AGPAT4: variants seen among roughly 807,000 people sequenced by gnomAD.
The protein encoded by AGPAT4 is 1-acyl-sn-glycerol-3-phosphate acyltransferase delta.
AGPAT4 carries 15 observed loss-of-function variants against 48.0 expected under a neutral mutation model. The observed-to-expected ratio is 0.31, with a 90% CI of 0.21 to 0.48. AGPAT4 has a LOEUF of 0.48. AGPAT4 is among the 20% of genes least tolerant of loss of function. AGPAT4 has a pLI of 0.99. For synonymous variants in AGPAT4, 178 were observed against 198.7 expected, an observed-to-expected ratio of 0.90 and a Z score of 0.88; for missense variants, 314 against 482.5, an observed-to-expected ratio of 0.65 and a Z score of 3.27.
rs572816883 is a variant in AGPAT4, at chr6:161,216,946, C to T, written c.178+15090G>A. On this transcript the variant is annotated intron_variant, in intron 2 of 8. Transcript: ENST00000320285. The surrounding 1 kb of genome is among the most constrained non-coding windows in gnomAD (Gnocchi z 4.8). ...CAAACCTATCACCCAGTAATCCCTG[C>T]TTCTGTCTTAATTTGACTTTCCCCT... Among the ~76,000 whole-genome samples, 1 of 152,304 alleles carries T rather than the reference C, an allele frequency of 6.6e-6. No homozygotes were observed. Among genetic ancestry groups the T allele is most frequent in the African/African-American group, 2.4e-5 (1 of 41,566 alleles).
In AGPAT4 at chr6:161,140,569, G is replaced by A. The variant is rs1779217275; in HGVS notation, c.844-949C>T. On this transcript the variant is annotated intron_variant, in intron 7 of 8. Coordinates refer to ENST00000320285, the MANE Select transcript of AGPAT4 (RefSeq NM_020133.3). The surrounding 1 kb of genome is among the most constrained non-coding windows in gnomAD (Gnocchi z 6.5). ...CACGGAGCTCCCGCTCAGGGACTGG[G>A]GCTCAGCCGCAAGGAGCTGCTGAAC... Among the ~76,000 whole-genome samples, 1 of 152,238 alleles carries A rather than the reference G, an allele frequency of 6.6e-6. No homozygotes were observed.
Position 161,231,553 on chromosome 6 carries a change from A to T in AGPAT4, c.178+483T>A, listed in dbSNP as rs1320830003. ...GTATTATTTGTTACAGCTTCATGTG[A>T]ATCTATTATCTCAAAATAAAAAGCT... On this transcript the variant is annotated intron_variant, in intron 2 of 8. Coordinates refer to ENST00000320285, the MANE Select transcript of AGPAT4 (RefSeq NM_020133.3). The surrounding 1 kb of genome is among the most constrained non-coding windows in gnomAD (Gnocchi z 5.3). 6.6e-6 allele frequency among the ~76,000 whole-genome samples: 1 copy of T among 152,188 alleles called. No individual in the cohort carries two copies. The highest frequency in any genetic ancestry group is 1.9e-4 in the East Asian group (1 of 5,206).
Position 161,219,344 on chromosome 6 carries a change from T to C in AGPAT4, c.178+12692A>G, listed in dbSNP as rs929148844. Among the ~76,000 whole-genome samples, 1 of 152,060 alleles carries C rather than the reference T, an allele frequency of 6.6e-6. No homozygotes were observed. The highest frequency in any genetic ancestry group is 2.1e-4 in the South Asian group (1 of 4,810). On this transcript the variant is annotated intron_variant, in intron 2 of 8. Coordinates refer to ENST00000320285, the MANE Select transcript of AGPAT4 (RefSeq NM_020133.3). This position sits in a 1 kb window ranked among gnomAD's most constrained non-coding sequence, Gnocchi z 4.9. ...TTTAAAAAATATATAAAATGTCCTA[T>C]CCAGACATTTATGATATGATAGAAT...
At position 161,235,294 on chromosome 6, in the gene AGPAT4, C is replaced by T. The variant is rs539572742; in HGVS notation, c.-89-2992G>A. ...GCTTTTTAATTTCGTGAAACTTAGG[C>T]GGATTCTCAAATTTATATGCAAACG... On this transcript the variant is annotated intron_variant, in intron 1 of 8. Coordinates refer to ENST00000320285, the MANE Select transcript of AGPAT4 (RefSeq NM_020133.3). The surrounding 1 kb of genome is among the most constrained non-coding windows in gnomAD (Gnocchi z 6.2). 9.2e-5 allele frequency among the ~76,000 whole-genome samples: 14 copies of T among 152,218 alleles called. No homozygotes were observed. Among genetic ancestry groups the T allele is most frequent in the Non-Finnish European group, 4.4e-5 (3 of 68,008 alleles).
intron 2 of AGPAT4, among the ~76,000 whole-genome samples, chr6:161,172,023 T>C (rs920606444): frequency 2.0e-5 from 3 of 152,148 alleles, no homozygotes; most frequent in Non-Finnish European, 2.9e-5. Context: ...CTAACACATA[T>C]TAAACAACCA....
At position 161,135,092 on chromosome 6, in the gene AGPAT4, A is replaced by T. The variant is rs1779023126; in HGVS notation, c.*1448T>A. 1.4e-5 allele frequency: 2 copies of T among 139,402 alleles called. No individual in the cohort carries two copies. The highest frequency in any genetic ancestry group is 2.8e-5 in the African/African-American group (1 of 36,348). 8.6% of individuals were successfully genotyped at this position (139,402 alleles called of 1,614,324 possible). A position where few individuals can be genotyped will look rare whatever the true frequency, so the allele number is the denominator to read the frequency against. On this transcript the variant is annotated 3_prime_UTR_variant, in exon 9 of 9. Coordinates refer to ENST00000320285, the MANE Select transcript of AGPAT4 (RefSeq NM_020133.3). ...CCTTGGCTTACCTAGTTTGGTTGAT[A>T]AACAATGACTAAATGAGCAAATAGC...
At chr6:161,174,143 C>T (rs1431755190) in intron 2 of AGPAT4, among the ~76,000 whole-genome samples, 1 of 152,070 alleles carries the variant, frequency 6.6e-6, no homozygotes, top group Non-Finnish European at 1.5e-5. Context: ...TTTTTTGGTT[C>T]CATATGAACT....
rs1382162594 is a variant in AGPAT4, at chr6:161,243,689, C to G, written c.-89-11387G>C. Among the ~76,000 whole-genome samples, 1 of 152,204 alleles carries G rather than the reference C, an allele frequency of 6.6e-6. No individual in the cohort carries two copies. The highest frequency in any genetic ancestry group is 1.9e-4 in the East Asian group (1 of 5,186). On this transcript the variant is annotated intron_variant, in intron 1 of 8. Transcript: ENST00000320285. This position sits in a 1 kb window ranked among gnomAD's most constrained non-coding sequence, Gnocchi z 4.8. ...ACCCTCAGTCGAAGCCCCTGCCTCT[C>G]TCCCGGGCTGACCGGTCTCCTCCTT...
intron 3 of AGPAT4, among the ~76,000 whole-genome samples, chr6:161,162,454 A>G (rs1453044540): frequency 1.3e-5 from 2 of 152,168 alleles, no homozygotes; most frequent in African/African-American, 4.8e-5. Context: ...TATTCCGGGA[A>G]ACACTGTGTT....
chr6:161,145,820 G>T (rs1318020927), intron 7 of AGPAT4, among the ~76,000 whole-genome samples: 1 of 151,672 alleles, frequency 6.6e-6, no homozygotes, highest in African/African-American at 2.4e-5. Flanking sequence ...ACTTGTTTGG[G>T]TTTAAAACAT....
At chr6:161,156,970 C>T (rs1377251834) in intron 3 of AGPAT4, among the ~76,000 whole-genome samples, 1 of 152,200 alleles carries the variant, frequency 6.6e-6, no homozygotes, top group Non-Finnish European at 1.5e-5. Flanking sequence ...TCTATAGAAA[C>T]AATGCTAATG....
intron 2 of AGPAT4, among the ~76,000 whole-genome samples, chr6:161,227,061 G>A (rs779239802): frequency 2.0e-5 from 3 of 152,214 alleles, no homozygotes; most frequent in Non-Finnish European, 2.9e-5. Flanking sequence ...CACCTAGCAG[G>A]TCAGCTAGCA....
intron 2 of AGPAT4, among the ~76,000 whole-genome samples, chr6:161,199,591 T>G (rs1439540629): frequency 6.6e-6 from 1 of 152,072 alleles, no homozygotes; most frequent in Non-Finnish European, 1.5e-5. Context: ...CATCCAAATC[T>G]CATGTGGAAC....
rs1181404215 is a variant in AGPAT4, at chr6:161,243,792, G to C, written c.-89-11490C>G. ...TTCTCCACTGTGGCTCTCATTATCT[G>C]TTTGTTTATTTCAATAAGATTTTCC... On this transcript the variant is annotated intron_variant, in intron 1 of 8. Transcript: ENST00000320285. The surrounding 1 kb of genome is among the most constrained non-coding windows in gnomAD (Gnocchi z 4.8). 1.3e-5 allele frequency among the ~76,000 whole-genome samples: 2 copies of C among 152,084 alleles called. No individual in the cohort carries two copies. Among genetic ancestry groups the C allele is most frequent in the African/African-American group, 4.8e-5 (2 of 41,414 alleles).
At position 161,130,935 on chromosome 6, in the gene AGPAT4, T is replaced by C. The variant is rs1238594395; in HGVS notation, c.*5605A>G. 1 of 518,464 alleles carries C rather than the reference T, an allele frequency of 1.9e-6. No individual in the cohort carries two copies. The allele number at this position is 518,464 out of a possible 1,614,324, so 32.1% of individuals were successfully genotyped here. On this transcript the variant is annotated 3_prime_UTR_variant, in exon 9 of 9. Transcript: ENST00000320285. ...GATGACTTTTCTGAATGTCCTAGAATGTTTGGCAAAGATCTGGCTAAAACT... is the reference window on the plus strand; with the variant it reads ...GATGACTTTTCTGAATGTCCTAGAACGTTTGGCAAAGATCTGGCTAAAACT...
intron 1 of AGPAT4, among the ~76,000 whole-genome samples, chr6:161,271,352 C>T (rs1047515312): frequency 6.6e-5 from 10 of 152,222 alleles, no homozygotes; most frequent in Non-Finnish European, 1.3e-4. Flanking sequence ...ATACTAATTG[C>T]GTCTCCTTGA....
In AGPAT4 at chr6:161,140,297, T is replaced by G. The variant is rs983518034; in HGVS notation, c.844-677A>C. ...GGGTGTCCAGGGTGACTCTTCTAAG[T>G]GATTGTTAGACCGTGTGAAAGGTAA... is the stretch of plus-strand genomic sequence containing the variant. On this transcript the variant is annotated intron_variant, in intron 7 of 8. Coordinates refer to ENST00000320285, the MANE Select transcript of AGPAT4 (RefSeq NM_020133.3). The surrounding 1 kb of genome is among the most constrained non-coding windows in gnomAD (Gnocchi z 6.5). Among the ~76,000 whole-genome samples the G allele has an allele frequency of 3.3e-5, 5 of 152,168 alleles. No homozygotes were observed. Among genetic ancestry groups the G allele is most frequent in the Non-Finnish European group, 5.9e-5 (4 of 68,022 alleles).
rs1485102345 is a variant in AGPAT4, at chr6:161,143,416, C to G, written c.843+3108G>C. ...ATTTCTTAATTTGCACTATTAATGGCCAAGTTATAGTCCCTTCTGCAAATG... is the reference window on the plus strand; with the variant it reads ...ATTTCTTAATTTGCACTATTAATGGGCAAGTTATAGTCCCTTCTGCAAATG... On this transcript the variant is annotated intron_variant, in intron 7 of 8. Transcript: ENST00000320285. The surrounding 1 kb of genome is among the most constrained non-coding windows in gnomAD (Gnocchi z 4.7). Among the ~76,000 whole-genome samples, 1 of 152,152 alleles carries G rather than the reference C, an allele frequency of 6.6e-6. No individual in the cohort carries two copies. Among genetic ancestry groups the G allele is most frequent in the African/African-American group, 2.4e-5 (1 of 41,424 alleles).
rs1313669825 is a variant in AGPAT4 at position 161,270,404 on chromosome 6, A to G, written c.-90+3534T>C. Among the ~76,000 whole-genome samples the G allele has an allele frequency of 6.6e-6, 1 of 152,216 alleles. No individual in the cohort carries two copies. The highest frequency in any genetic ancestry group is 2.4e-5 in the African/African-American group (1 of 41,462). On this transcript the variant is annotated intron_variant, in intron 1 of 8. Transcript: ENST00000320285. This position sits in a 1 kb window ranked among gnomAD's most constrained non-coding sequence, Gnocchi z 5.3. ...CTCTAGGAAATGTTACATGATTATT[A>G]TGATTATATTTCAAAATAGGAGTGA...
Sources: allele counts gnomAD v4.1 joint callset (sites outside exome capture counted in the v4.1 genomes callset), GRCh38; gene constraint gnomAD v4.1.1; non-coding constraint Gnocchi (gnomAD v3.1); transcripts MANE v1.5; gene names NCBI Gene and HGNC (gene_info 2026-07-23, HGNC 2026-07-21).